The following ZNF280D variants were observed in gnomAD, a reference collection of about 807,000 sequenced individuals.
ZNF280D encodes zinc finger protein 280D, also known as suppressor of hairy wing homolog 4.
Under a neutral mutation model 94.7 loss-of-function variants are expected in ZNF280D, and 39 were observed. The ratio of observed to expected loss-of-function variants is 0.41; its 90% CI spans 0.32 to 0.54. The LOEUF is 0.54. Among genes scored for constraint, ZNF280D ranks in the 20% least tolerant of loss-of-function variants. The probability of loss-of-function intolerance (pLI) is 0.22; values close to 1 mark genes in which losing one functional copy is unlikely to be tolerated. For synonymous variants in ZNF280D, 398 were observed against 377.6 expected (o/e 1.05, Z -0.63); for missense variants, 1,090 against 1,149.3 (o/e 0.95, Z 0.75).
intron 13 of ZNF280D, among the ~76,000 whole-genome samples, chr15:56,673,221 C>T (rs2054985068): frequency 6.6e-6 from 1 of 151,904 alleles, no homozygotes; most frequent in South Asian, 2.1e-4. Context: ...CTTCTCAAAT[C>T]AACCTGAACA....
chr15:56,714,867 T>C (rs1426348066), intron 1 of ZNF280D, among the ~76,000 whole-genome samples: 3 of 152,166 alleles, frequency 2.0e-5, no homozygotes, highest in Non-Finnish European at 4.4e-5. Flanking sequence ...ATATACTTAT[T>C]TTCTTTCTAA....
At chr15:56,686,801 G>A (rs770138516) in intron 9 of ZNF280D, among the ~76,000 whole-genome samples, 12 of 150,748 alleles carry the variant, frequency 8.0e-5, no homozygotes, top group Middle Eastern at 3.4e-3. Context: ...AGCTAGTTAC[G>A]CCAGTTAATT....
At chr15:56,731,461 T>A (rs1428414675) in intron 1 of ZNF280D, among the ~76,000 whole-genome samples, 1 of 133,092 alleles carries the variant, frequency 7.5e-6, no homozygotes, top group Admixed American at 9.6e-5. Context: ...GAGCCAAGAC[T>A]GCTCCACAGC....
At chr15:56,668,733 C>A in intron 14 of ZNF280D, 90 bp downstream of exon 14, 1 of 1,213,390 alleles carries the variant, frequency 8.2e-7, no homozygotes, top group South Asian at 1.8e-5. Flanking sequence ...AATCTGAAGT[C>A]ATTTAAAAAT....
chr15:56,699,448 G>A (rs1237481272), intron 6 of ZNF280D: 5 of 810,960 alleles, frequency 6.2e-6, no homozygotes, highest in Non-Finnish European at 7.4e-6. Context: ...TTCATTTTTT[G>A]GTTTTAGATA....
At chr15:56,654,354 A>T (rs1311162847) in intron 18 of ZNF280D, 31 bp downstream of exon 18, 1 of 1,595,208 alleles carries the variant, frequency 6.3e-7, no homozygotes, top group Non-Finnish European at 8.5e-7. Flanking sequence ...AAAAGTCAAA[A>T]ATCTAAAGTA....
intron 1 of ZNF280D, chr15:56,733,034 C>T (rs1427869462): frequency 1.3e-5 from 2 of 152,402 alleles, no homozygotes; most frequent in Non-Finnish European, 2.9e-5. Flanking sequence ...ACTGAAGAGA[C>T]ACGGGGGTGG....
intron 11 of ZNF280D, 115 bp from the exon 12 acceptor site, chr15:56,677,789 A>C (rs1276198042): frequency 5.9e-6 from 2 of 337,742 alleles, no homozygotes; most frequent in Non-Finnish European, 1.0e-5. Context: ...GTGAAGAGTT[A>C]AACAGCTTGT....
At chr15:56,725,689 C>CG (rs2058595635) in intron 1 of ZNF280D, among the ~76,000 whole-genome samples, 2 of 151,966 alleles carry the variant, frequency 1.3e-5, no homozygotes, top group Middle Eastern at 3.4e-3. Context: ...ACTAGATAAA[C>CG]ACAAGTCAAA....
rs367897862 is a variant in ZNF280D at position 56,695,854 on chromosome 15, C to T, written c.382-2639G>A. On this transcript the variant is annotated intron_variant, in intron 6 of 21. Coordinates refer to ENST00000267807, the MANE Select transcript of ZNF280D (RefSeq NM_017661.4). ...AATTAACATTTTTTTAGGAAATGTT[C>T]CAAGTAGAATGTTCAGTGAAAAAAG... Among the ~76,000 whole-genome samples the T allele has an allele frequency of 6.4e-4, 98 of 152,120 alleles. 1 individual carries two copies. Among genetic ancestry groups the T allele is most frequent in the Middle Eastern group, 6.8e-3 (2 of 294 alleles).
chr15:56,720,626 CA>C (rs1342541259), intron 1 of ZNF280D, among the ~76,000 whole-genome samples: 1 of 152,144 alleles, frequency 6.6e-6, no homozygotes, highest in African/African-American at 2.4e-5. Context: ...TACACCCTTA[CA>C]AAATGTTATT....
Position 56,635,158 on chromosome 15 carries a change from T to C in ZNF280D, c.2315+37A>G, listed in dbSNP as rs753418128. 7.5e-6 allele frequency: 10 copies of C among 1,333,156 alleles called. No homozygotes were observed. The South Asian group carries it at 1.1e-4, about 15-fold the overall frequency. The allele number at this position is 1,333,156 out of a possible 1,614,324, so 82.6% of individuals were successfully genotyped here. On this transcript the variant is annotated intron_variant, in intron 21 of 21. Transcript: ENST00000267807. ...GCAGCTCAAGTGTTATTTTGTATAC[T>C]TGAATTTTATGAAATTCAGTTTTTC...
chr15:56,704,247 G>C lies in ZNF280D; in HGVS notation c.49C>G (p.Leu17Val). 2 of 1,605,312 alleles carry C rather than the reference G, an allele frequency of 1.2e-6. No individual in the cohort carries two copies. The highest frequency in any genetic ancestry group is 1.7e-6 in the Non-Finnish European group (2 of 1,177,718). The change falls in exon 4 of 22, where the codon CTG (leucine) becomes GTG (valine). Residue 17 changes from leucine to valine, a missense_variant. Physicochemically the swap from Leu to Val is conservative, Grantham distance 32. Coordinates refer to ENST00000267807, the MANE Select transcript of ZNF280D (RefSeq NM_017661.4). ...TCCTCTTCTTCACATTCCATAAACAGTTCTGCCATTTTTGAATTACCTAAT... is the reference window on the plus strand; with the variant it reads ...TCCTCTTCTTCACATTCCATAAACACTTCTGCCATTTTTGAATTACCTAAT... Reference protein sequence around the residue: ...QPKSNSKMAELFMECEEEELE... With the variant: ...QPKSNSKMAEVFMECEEEELE...
At chr15:56,662,094 AAAG>A (rs1192469403) in intron 16 of ZNF280D, among the ~76,000 whole-genome samples, 1 of 152,164 alleles carries the variant, frequency 6.6e-6, no homozygotes, top group African/African-American at 2.4e-5. Context: ...CTGCTACAAA[AAAG>A]AGATACTGCT....
chr15:56,674,547 TG>T (rs2140946088), intron 13 of ZNF280D, among the ~76,000 whole-genome samples: 1 of 152,188 alleles, frequency 6.6e-6, no homozygotes, highest in South Asian at 2.1e-4. Flanking sequence ...AGTAAAAGCT[TG>T]GATGCTAAGT....
intron 19 of ZNF280D, among the ~76,000 whole-genome samples, chr15:56,646,087 G>C (rs1343502252): frequency 6.6e-6 from 1 of 152,112 alleles, no homozygotes; most frequent in Non-Finnish European, 1.5e-5. Flanking sequence ...AAGTTGAAAA[G>C]AGGCTGTAAA....
At chr15:56,664,715 T>C (rs2054173806) in intron 16 of ZNF280D, among the ~76,000 whole-genome samples, 1 of 152,100 alleles carries the variant, frequency 6.6e-6, no homozygotes, top group Non-Finnish European at 1.5e-5. Flanking sequence ...TAAGACCTAA[T>C]CAGAATTAAA....
intron 4 of ZNF280D, among the ~76,000 whole-genome samples, chr15:56,701,697 C>T (rs1178151075): frequency 2.0e-5 from 3 of 152,136 alleles, no homozygotes; most frequent in African/African-American, 7.2e-5. Flanking sequence ...CTCTACACTG[C>T]ATTCACTCGT....
chr15:56,645,690 G>A (rs922462120), intron 19 of ZNF280D, among the ~76,000 whole-genome samples: 1 of 152,070 alleles, frequency 6.6e-6, no homozygotes, highest in African/African-American at 2.4e-5. Flanking sequence ...GGGATTACAG[G>A]CACATGCCAC....
Sources: allele counts gnomAD v4.1 joint callset (sites outside exome capture counted in the v4.1 genomes callset), GRCh38; gene constraint gnomAD v4.1.1; transcripts MANE v1.5; gene names NCBI Gene and HGNC (gene_info 2026-07-23, HGNC 2026-07-21).